Variants in ENG observed in about 807,000 individuals in gnomAD.
ENG encodes CD105 antigen.
Under a neutral mutation model 71.0 loss-of-function variants are expected in ENG, and 17 were observed. The observed-to-expected ratio is 0.24, with a 90% CI of 0.16 to 0.36. The LOEUF is 0.36. Ranked by LOEUF, ENG falls within the 10% of genes least tolerant of loss-of-function variation. The probability of loss-of-function intolerance (pLI) is 1.00; values close to 1 mark genes in which losing one functional copy is unlikely to be tolerated. For missense variants in ENG, 749 were observed against 868.3 expected (o/e 0.86, Z 1.73); for synonymous variants, 360 against 366.9 (o/e 0.98, Z 0.21).
chr9:127,831,159 A>ATTTTT (rs548554493), intron 2 of ENG, among the ~76,000 whole-genome samples: 1 of 132,968 alleles, frequency 7.5e-6, no homozygotes, highest in African/African-American at 2.8e-5. Context: ...CGTAAATACC[A>ATTTTT]TTTTTTTTTT....
Position 127,825,335 on chromosome 9 carries a change from C to T in ENG, c.712G>A (p.Val238Met). Residue 238 changes from valine to methionine, a missense_variant, in exon 6 of 15, where the codon GTG (valine) becomes ATG (methionine). Transcript: ENST00000373203. The stretch of plus-strand genomic sequence containing the variant: ...TCCCCGGGTGCGCAGCTCAGTTCCA[C>T]CTTCACCGTCACCGTCCGGGGCCTG... ...SAGPRTVTVK[V>M]ELSCAPGDLD... 6.2e-7 allele frequency: 1 copy of T among 1,610,552 alleles called. No individual in the cohort carries two copies. Among genetic ancestry groups the T allele is most frequent in the Non-Finnish European group, 8.5e-7 (1 of 1,179,506 alleles).
At chr9:127,840,975 C>G (rs1831016799) in intron 2 of ENG, 2 of 152,742 alleles carry the variant, frequency 1.3e-5, no homozygotes, top group African/African-American at 4.8e-5. Flanking sequence ...GATCAAACTT[C>G]TTAATATGGC....
intron 1 of ENG, among the ~76,000 whole-genome samples, chr9:127,845,610 A>G (rs1384271966): frequency 6.6e-6 from 1 of 152,220 alleles, no homozygotes; most frequent in Non-Finnish European, 1.5e-5. Context: ...TGGGGCTTCA[A>G]TACCTGGTCT....
chr9:127,845,863 C>T (rs1002796875), intron 1 of ENG, among the ~76,000 whole-genome samples: 3 of 152,006 alleles, frequency 2.0e-5, no homozygotes, highest in African/African-American at 4.8e-5. Context: ...TGCGCCACCA[C>T]GCCTGGCTAA....
chr9:127,845,522 T>C (rs887600806), intron 1 of ENG, among the ~76,000 whole-genome samples: 1 of 152,228 alleles, frequency 6.6e-6, no homozygotes, highest in Non-Finnish European at 1.5e-5. Context: ...GCAAGCTCCC[T>C]GGAGCCAGGC....
intron 8 of ENG, among the ~76,000 whole-genome samples, chr9:127,822,772 T>C (rs1344261381): frequency 1.3e-5 from 2 of 152,190 alleles, no homozygotes; most frequent in African/African-American, 4.8e-5. Flanking sequence ...CACACCAAAA[T>C]GTTGGCAGCC....
intron 2 of ENG, among the ~76,000 whole-genome samples, chr9:127,839,964 G>A (rs1453444038): frequency 3.9e-5 from 6 of 152,218 alleles, no homozygotes; most frequent in Non-Finnish European, 5.9e-5. Flanking sequence ...GTTCACAGAG[G>A]AGAAATGGAA....
chr9:127,841,629 G>A lies in ENG; in HGVS notation c.219+1465C>T, dbSNP rs1055955354. 1.5e-3 allele frequency among the ~76,000 whole-genome samples: 225 copies of A among 152,244 alleles called. 22 individuals carry two copies. Among genetic ancestry groups the A allele is most frequent in the Non-Finnish European group, 4.4e-5 (3 of 68,044 alleles). ...CAGGGTCCCCCGATATTGGTGGTCT[G>A]AGCACTTTCTTATCACTGCACAAAC... On this transcript the variant is annotated intron_variant, in intron 2 of 14. Coordinates refer to ENST00000373203, the MANE Select transcript of ENG (RefSeq NM_001114753.3).
Position 127,838,132 on chromosome 9 carries a change from T to G in ENG, c.219+4962A>C, listed in dbSNP as rs1217112823. On this transcript the variant is annotated intron_variant, in intron 2 of 14. Coordinates refer to ENST00000373203, the MANE Select transcript of ENG (RefSeq NM_001114753.3). This position sits in a 1 kb window ranked among gnomAD's most constrained non-coding sequence, Gnocchi z 4.3. ...CCCAAGTAGCCAACTCAACCATCCT[T>G]CAGGTCTGGGGGAGCTCACATAGCC... Among the ~76,000 whole-genome samples the G allele has an allele frequency of 1.3e-5, 2 of 152,102 alleles. No individual in the cohort carries two copies. Among genetic ancestry groups the G allele is most frequent in the Non-Finnish European group, 2.9e-5 (2 of 68,012 alleles).
chr9:127,849,927 G>A lies in ENG; in HGVS notation c.67+4362C>T, dbSNP rs541378361. On this transcript the variant is annotated intron_variant, in intron 1 of 14. Coordinates refer to ENST00000373203, the MANE Select transcript of ENG (RefSeq NM_001114753.3). ...TCTCCTTTGTAGGGCTTTTGCAAGCGTTAAGTCTGACAGTACACATACCAC... is the reference window on the plus strand; with the variant it reads ...TCTCCTTTGTAGGGCTTTTGCAAGCATTAAGTCTGACAGTACACATACCAC... Among the ~76,000 whole-genome samples the A allele has an allele frequency of 3.3e-5, 5 of 152,334 alleles. No individual in the cohort carries two copies. The East Asian group carries it at 5.8e-4, about 18-fold the overall frequency.
chr9:127,849,665 C>T (rs963654756), intron 1 of ENG, among the ~76,000 whole-genome samples: 5 of 152,030 alleles, frequency 3.3e-5, no homozygotes, highest in African/African-American at 4.8e-5. Flanking sequence ...GGTTGTACCC[C>T]GGATGGGAGG....
rs200912768 is a variant in ENG, at chr9:127,819,604, C to T, written c.1311+18G>A. ...AGCCCCTGGGCCAGGTGGGTTAGCA[C>T]GTGACTGTCCATCTCACCCGCTGTG... On this transcript the variant is annotated intron_variant, in intron 10 of 14. Transcript: ENST00000373203. 5.6e-6 allele frequency: 9 copies of T among 1,612,890 alleles called. No homozygotes were observed. In the Admixed American group the frequency reaches 8.3e-5, roughly 15 times the overall value.
In ENG at chr9:127,815,470, G is replaced by T; in HGVS notation, c.*212C>A. 1.1e-6 allele frequency: 1 copy of T among 951,984 alleles called. No individual in the cohort carries two copies. The highest frequency in any genetic ancestry group is 1.5e-6 in the Non-Finnish European group (1 of 663,230). The allele number at this position is 951,984 out of a possible 1,614,324, so 59.0% of individuals were successfully genotyped here. A position where few individuals can be genotyped will look rare whatever the true frequency, so the allele number is the denominator to read the frequency against. On this transcript the variant is annotated 3_prime_UTR_variant, in exon 15 of 15. Coordinates refer to ENST00000373203, the MANE Select transcript of ENG (RefSeq NM_001114753.3). ...AGCCATATCCCAGACCCACTGGGTT[G>T]AAGGTTCTGTGGGGTGGAGGGACCC...
chr9:127,822,630 T>C (rs920232232), intron 8 of ENG: 3 of 152,236 alleles, frequency 2.0e-5, no homozygotes, highest in African/African-American at 7.2e-5. Flanking sequence ...TATGTGCTTA[T>C]TAAACATGAT....
At position 127,840,281 on chromosome 9, in the gene ENG, G is replaced by C. The variant is rs555355926; in HGVS notation, c.219+2813C>G. 2.6e-5 allele frequency among the ~76,000 whole-genome samples: 4 copies of C among 152,366 alleles called. No homozygotes were observed. The East Asian group carries it at 7.7e-4, about 29-fold the overall frequency. ...GGCGCACACATTTGTGCACGCATGC[G>C]TGCATTCACTCACACGTTCAAGAGT... On this transcript the variant is annotated intron_variant, in intron 2 of 14. Coordinates refer to ENST00000373203, the MANE Select transcript of ENG (RefSeq NM_001114753.3).
At chr9:127,852,643 CCTGA>C (rs1192547038) in intron 1 of ENG, among the ~76,000 whole-genome samples, 6 of 152,004 alleles carry the variant, frequency 3.9e-5, no homozygotes, top group African/African-American at 1.5e-4. Flanking sequence ...GTTTTACACC[CCTGA>C]CTGTCATCTC....
intron 8 of ENG, among the ~76,000 whole-genome samples, 164 bp downstream of exon 8, chr9:127,824,140 G>A (rs966677126): frequency 5.8e-4 from 88 of 152,136 alleles, no homozygotes; most frequent in African/African-American, 2.0e-3. Context: ...TTCTCACCAC[G>A]TGGTAGGTAC....
In ENG at chr9:127,816,056, AG is replaced by A; in HGVS notation, c.1742-4del. ...GACGAGGCCTTTGCTTGTGCAACCT[AG>A]AGAGGGCCGACGCCATCAGCACTGC... On this transcript the variant is annotated splice_polypyrimidine_tract_variant and splice_region_variant and intron_variant, in intron 13 of 14. Transcript: ENST00000373203. 6.2e-7 allele frequency: 1 copy of A among 1,608,648 alleles called. No homozygotes were observed. Among genetic ancestry groups the A allele is most frequent in the East Asian group, 2.2e-5 (1 of 44,756 alleles).
rs760446518 is a variant in ENG at position 127,819,909 on chromosome 9, G to A, written c.1263C>T (p.Ile421=). 1.2e-6 allele frequency: 2 copies of A among 1,614,114 alleles called. No individual in the cohort carries two copies. The highest frequency in any genetic ancestry group is 1.3e-5 in the African/African-American group (1 of 74,934). Residue 421 remains isoleucine, a synonymous_variant, in exon 9 of 15, where the codon ATC becomes ATT. Coordinates refer to ENST00000373203, the MANE Select transcript of ENG (RefSeq NM_001114753.3). ...SCGMQVSASM[I]SNEAVVNILS... is the part of the protein sequence containing the mutation. ...TGGCCCCAGCTCTTACCTCATTGCT[G>A]ATCATACTTGCTGACACCTGCATGC...
Sources: gnomAD v4.1 joint callset for allele counts (sites outside exome capture counted in the v4.1 genomes callset) on GRCh38, gnomAD v4.1.1 for gene constraint, Gnocchi (gnomAD v3.1) non-coding constraint, MANE v1.5 for transcripts, NCBI Gene and HGNC (gene_info 2026-07-23, HGNC 2026-07-21) for gene names.